LLGL2: variants seen among roughly 807,000 people sequenced by gnomAD.
The protein encoded by LLGL2 is LLGL scribble cell polarity complex component 2, also known as LLGL2, scribble cell polarity complex component.
In LLGL2, 81 loss-of-function variants were observed where a neutral mutation model predicts 123.2. That is an observed-to-expected ratio of 0.66 (90% CI 0.55 to 0.79). The LOEUF (loss-of-function observed/expected upper bound fraction) is 0.79, where lower values mean the gene tolerates loss of function less well. LLGL2 is among the 30% of genes least tolerant of loss of function. The pLI is 0.00. For synonymous variants in LLGL2, 577 were observed against 594.1 expected, an observed-to-expected ratio of 0.97 and a Z score of 0.42; for missense variants, 1,273 against 1,414.6, an observed-to-expected ratio of 0.90 and a Z score of 1.61.
chr17:75,550,375 G>C (rs533305987), intron 2 of LLGL2, among the ~76,000 whole-genome samples: 2 of 152,112 alleles, frequency 1.3e-5, no homozygotes, highest in African/African-American at 2.4e-5. Context: ...CCCTAAACAA[G>C]GGGGGAGTCA....
In LLGL2 at chr17:75,564,746, C is replaced by A; in HGVS notation, c.1036+239C>A. On this transcript the variant is annotated intron_variant, in intron 10 of 25. Transcript: ENST00000392550. This position sits in a 1 kb window ranked among gnomAD's most constrained non-coding sequence, Gnocchi z 4.9. ...AGGTGTTGTGGCACGTACCTGTAGT[C>A]CTAGCTACTCAGGAGGCTGAGGTGG... is the stretch of plus-strand genomic sequence containing the variant. 1.9e-6 allele frequency: 1 copy of A among 516,996 alleles called. No homozygotes were observed. Among genetic ancestry groups the A allele is most frequent in the Non-Finnish European group, 3.2e-6 (1 of 309,626 alleles). 32.0% of individuals were successfully genotyped at this position (516,996 alleles called of 1,614,324 possible).
Position 75,573,605 on chromosome 17 carries a change from C to T in LLGL2, c.2850C>T (p.Gly950=). 6.2e-7 allele frequency: 1 copy of T among 1,610,806 alleles called. No individual in the cohort carries two copies. Among genetic ancestry groups the T allele is most frequent in the Non-Finnish European group, 8.5e-7 (1 of 1,179,438 alleles). Residue 950 remains glycine (G), a synonymous_variant, in exon 21 of 26, where the codon GGC becomes GGT. Transcript: ENST00000392550. ...ACCACCGCCCTGGTAACGGTGCGGG[C>T]CCCAAGAAGGCCCCGAGCCGAGCCA... ...TKNHRPGNGA[G]PKKAPSRARN...
At position 75,575,003 on chromosome 17, in the gene LLGL2, C is replaced by G. The variant is rs1363283202; in HGVS notation, c.*125C>G. The G allele has an allele frequency of 2.2e-6, 3 of 1,344,650 alleles. No individual in the cohort carries two copies. The highest frequency in any genetic ancestry group is 3.2e-6 in the Non-Finnish European group (3 of 937,422). 83.3% of individuals were successfully genotyped at this position (1,344,650 alleles called of 1,614,324 possible). ...CAGGGGCTGGGGGCATCCCGGCTTC[C>G]ACAATGCAGCTGCTCTGGGCCTCGG... is the stretch of plus-strand genomic sequence containing the variant. On this transcript the variant is annotated 3_prime_UTR_variant, in exon 26 of 26. Transcript: ENST00000392550.
In LLGL2 at chr17:75,568,557, C is replaced by T. The variant is rs374016404; in HGVS notation, c.1118C>T (p.Pro373Leu). The T allele has an allele frequency of 1.2e-4, 198 of 1,613,652 alleles. No individual in the cohort carries two copies. Among genetic ancestry groups the T allele is most frequent in the Middle Eastern group, 1.6e-4 (1 of 6,084 alleles). ...GACCTGCAGACAGCAGGCTGGCCACCGGTCCAGCTGCCCTACCTGGCTTCT... is the reference window on the plus strand; with the variant it reads ...GACCTGCAGACAGCAGGCTGGCCACTGGTCCAGCTGCCCTACCTGGCTTCT... ...VIDLQTAGWPPVQLPYLASLH... is the reference protein window; with the variant it reads ...VIDLQTAGWPLVQLPYLASLH... The change falls in exon 11 of 26, where the codon CCG becomes CTG. Residue 373 changes from proline to leucine, a missense_variant. Transcript: ENST00000392550.
At chr17:75,525,599 C>T (rs1334912440), upstream of LLGL2, 1 of 150,516 alleles carries the variant, frequency 6.6e-6, no homozygotes. This position sits in a 1 kb window ranked among gnomAD's most constrained non-coding sequence, Gnocchi z 4.8. Flanking sequence ...TGCCCCCGCC[C>T]CTGCGGCGCC....
At chr17:75,548,781 T>C (rs1047620282) in intron 2 of LLGL2, among the ~76,000 whole-genome samples, 1 of 149,614 alleles carries the variant, frequency 6.7e-6, no homozygotes, top group Non-Finnish European at 1.5e-5. Flanking sequence ...GCCAAAGAAG[T>C]ATACTTTGGG....
intron 6 of LLGL2, among the ~76,000 whole-genome samples, chr17:75,561,685 C>T (rs1007567933): frequency 2.6e-5 from 4 of 152,094 alleles, no homozygotes; most frequent in South Asian, 2.1e-4. Flanking sequence ...CTTTGGGAGG[C>T]GGAGGCGGGT....
At chr17:75,557,270 G>A (rs866180564) in intron 3 of LLGL2, among the ~76,000 whole-genome samples, 6 of 152,052 alleles carry the variant, frequency 3.9e-5, no homozygotes, top group African/African-American at 1.2e-4. Flanking sequence ...GGTGGCCTTG[G>A]GCCAGGAGAG....
intron 1 of LLGL2, among the ~76,000 whole-genome samples, chr17:75,535,613 G>A (rs2147127868): frequency 6.6e-6 from 1 of 152,376 alleles, no homozygotes; most frequent in Non-Finnish European, 1.5e-5. Flanking sequence ...GTGGCAGGGT[G>A]GGAGAAGCAG....
chr17:75,563,129 T>G lies in LLGL2; in HGVS notation c.644T>G (p.Ile215Ser). 1 of 1,613,184 alleles carries G rather than the reference T, an allele frequency of 6.2e-7. No individual in the cohort carries two copies. The highest frequency in any genetic ancestry group is 8.5e-7 in the Non-Finnish European group (1 of 1,180,014). Reference protein sequence around the residue: ...LIGYSRGLVVIWDLQGSRVLY... With the variant: ...LIGYSRGLVVSWDLQGSRVLY... ...GGCTACAGCCGAGGCCTCGTTGTCA[T>G]CTGGGACCTACAGGGCAGCCGCGTG... Residue 215 changes from isoleucine (I) to serine (S), a missense_variant, in exon 7 of 26, where the codon ATC (isoleucine) becomes AGC (serine). Coordinates refer to ENST00000392550, the MANE Select transcript of LLGL2 (RefSeq NM_001031803.2).
chr17:75,538,105 C>A (rs1187669352), intron 1 of LLGL2, among the ~76,000 whole-genome samples: 1 of 152,198 alleles, frequency 6.6e-6, no homozygotes, highest in East Asian at 1.9e-4. Context: ...GCCACCTCGC[C>A]CAGCCTGGAA....
chr17:75,528,655 T>A (rs2053662320), intron 1 of LLGL2, among the ~76,000 whole-genome samples: 1 of 151,530 alleles, frequency 6.6e-6, no homozygotes, highest in Non-Finnish European at 1.5e-5. Flanking sequence ...GGAGAATCGC[T>A]TGAACCTGGG....
chr17:75,558,194 G>A lies in LLGL2; in HGVS notation c.213G>A (p.Gln71=), dbSNP rs765814725. Residue 71 remains glutamine (Q), a synonymous_variant, in exon 4 of 26, where the codon CAG becomes CAA. Coordinates refer to ENST00000392550, the MANE Select transcript of LLGL2 (RefSeq NM_001031803.2). This position sits in a 1 kb window ranked among gnomAD's most constrained non-coding sequence, Gnocchi z 4.0. The part of the protein sequence containing the change: ...APGVEFMGLH[Q]ENNAVTQIHL... ...GCGTGGAGTTCATGGGGCTGCACCA[G>A]GAGAACAACGCTGTGACGCAGATCC... 1.2e-5 allele frequency: 20 copies of A among 1,613,598 alleles called. No individual in the cohort carries two copies. In the South Asian group the frequency reaches 1.9e-4, roughly 15 times the overall value.
At position 75,573,190 on chromosome 17, in the gene LLGL2, C is replaced by T. The variant is rs1312962416; in HGVS notation, c.2637C>T (p.Pro879=). The part of the protein sequence containing the change: ...NLGDIQVVSL[P]LLKPQVRYSC... ...GCGACATCCAGGTGGTCTCGCTGCC[C>T]CTGCTCAAGCCCCAGGTGCGCTACA... The change falls in exon 20 of 26, where the codon CCC becomes CCT. Residue 879 remains proline, a synonymous_variant. Coordinates refer to ENST00000392550, the MANE Select transcript of LLGL2 (RefSeq NM_001031803.2). 1.9e-6 allele frequency: 3 copies of T among 1,612,916 alleles called. No individual in the cohort carries two copies. The highest frequency in any genetic ancestry group is 1.7e-6 in the Non-Finnish European group (2 of 1,179,858).
chr17:75,570,479 C>T lies in LLGL2; in HGVS notation c.2006C>T (p.Pro669Leu), dbSNP rs754867865. Reference sequence around the variant, plus strand: ...CGGGTGTCCAGCCGGAAGCGGCACCCGGCTGGCCCCCCAGGAGAGGTGAGG... The same window carrying T: ...CGGGTGTCCAGCCGGAAGCGGCACCTGGCTGGCCCCCCAGGAGAGGTGAGG... ...RSRVSSRKRH[P>L]AGPPGEAQEG... Residue 669 changes from proline (P) to leucine (L), a missense_variant, in exon 16 of 26, where the codon CCG (proline) becomes CTG (leucine). Transcript: ENST00000392550. 2.3e-5 allele frequency: 37 copies of T among 1,578,980 alleles called. No homozygotes were observed. Among genetic ancestry groups the T allele is most frequent in the East Asian group, 1.4e-4 (6 of 42,970 alleles).
Position 75,556,122 on chromosome 17 carries a change from C to G in LLGL2, c.152C>G (p.Thr51Ser). The change falls in exon 3 of 26, where the codon ACC becomes AGC. Residue 51 changes from threonine (T) to serine (S), a missense_variant. Coordinates refer to ENST00000392550, the MANE Select transcript of LLGL2 (RefSeq NM_001031803.2). ...TCCCTGCGCATCCTGGCCATCGGCA[C>G]CCGTTCTGGAGCCATCAAGCTGTAT... Reference protein sequence around the residue: ...SPSLRILAIGTRSGAIKLYGA... With the variant: ...SPSLRILAIGSRSGAIKLYGA... 6.2e-7 allele frequency: 1 copy of G among 1,610,244 alleles called. No homozygotes were observed. Among genetic ancestry groups the G allele is most frequent in the Non-Finnish European group, 8.5e-7 (1 of 1,179,934 alleles).
In LLGL2 at chr17:75,544,031, C is replaced by A. The variant is rs968974383; in HGVS notation, c.75+530C>A. Among the ~76,000 whole-genome samples, 1 of 152,026 alleles carries A rather than the reference C, an allele frequency of 6.6e-6. No individual in the cohort carries two copies. The highest frequency in any genetic ancestry group is 2.4e-5 in the African/African-American group (1 of 41,382). The stretch of plus-strand genomic sequence containing the variant: ...GGCCGGGGTGAGTGGGGAGAGGTGC[C>A]CAGGAGAATGAGCCGGAGTTGGCCT... On this transcript the variant is annotated intron_variant, in intron 2 of 25. Transcript: ENST00000392550. The surrounding 1 kb of genome is among the most constrained non-coding windows in gnomAD (Gnocchi z 4.2).
intron 1 of LLGL2, among the ~76,000 whole-genome samples, chr17:75,528,739 AAAACAAAC>A (rs78153446): frequency 2.6e-5 from 4 of 151,462 alleles, no homozygotes; most frequent in Non-Finnish European, 5.9e-5. Context: ...ACTCCATCTC[AAAACAAAC>A]AAACAAACAA....
At position 75,549,602 on chromosome 17, in the gene LLGL2, G is replaced by T. The variant is rs7502353; in HGVS notation, c.75+6101G>T. 0.32 allele frequency among the ~76,000 whole-genome samples: 48,790 copies of T among 152,184 alleles called. 8,803 individuals are homozygous for T. The highest frequency in any genetic ancestry group is 0.57 in the South Asian group (2,769 of 4,828). On this transcript the variant is annotated intron_variant, in intron 2 of 25. Coordinates refer to ENST00000392550, the MANE Select transcript of LLGL2 (RefSeq NM_001031803.2). The surrounding 1 kb of genome is among the most constrained non-coding windows in gnomAD (Gnocchi z 4.0). ...GCCACACAGGGAGGGCCAGGCTGCC[G>T]CCACTGCCAGGAATCTGAGCTGGCC...
Sources: gnomAD v4.1 joint callset for allele counts (sites outside exome capture counted in the v4.1 genomes callset) on GRCh38, gnomAD v4.1.1 for gene constraint, Gnocchi (gnomAD v3.1) non-coding constraint, MANE v1.5 for transcripts, NCBI Gene and HGNC (gene_info 2026-07-23, HGNC 2026-07-21) for gene names.